Variants in DSP observed in about 807,000 individuals in gnomAD.
DSP encodes the protein desmoplakin.
Under a neutral mutation model 290.6 loss-of-function variants are expected in DSP, and 114 were observed. The ratio of observed to expected loss-of-function variants is 0.39; its 90% CI spans 0.34 to 0.46. DSP has a LOEUF of 0.46. DSP is among the 20% of genes least tolerant of loss of function. DSP has a pLI of 0.99. For synonymous variants in DSP, 1,311 were observed against 1,316.4 expected (o/e 1.00, Z 0.09); for missense variants, 3,230 against 3,495.8 (o/e 0.92, Z 1.92).
chr6:7,585,521 G>A lies in DSP; in HGVS notation c.8259G>A (p.Lys2753=), dbSNP rs1005570207. The part of the protein sequence containing the change: ...GRISTEEAIR[K]GFIDGRAAQR... ...TAAGCACCGAAGAAGCCATCCGGAA[G>A]GGGTTCATAGATGGCCGCGCCGCAC... Residue 2753 remains lysine, a synonymous_variant, in exon 24 of 24, where the codon AAG becomes AAA. Coordinates refer to ENST00000379802, the MANE Select transcript of DSP (RefSeq NM_004415.4). 6.2e-6 allele frequency: 10 copies of A among 1,614,080 alleles called. No individual in the cohort carries two copies. The African/African-American group carries it at 1.1e-4, about 17-fold the overall frequency.
chr6:7,574,545 A>T, intron 16 of DSP, 112 bp from the exon 17 acceptor site: 1 of 1,494,300 alleles, frequency 6.7e-7, no homozygotes, highest in Admixed American at 1.7e-5. Context: ...CAGACAAAAT[A>T]AATTTTTATC....
Position 7,585,441 on chromosome 6 carries a change from C to T in DSP, c.8179C>T (p.Leu2727=), listed in dbSNP as rs769802592. 8.1e-6 allele frequency: 13 copies of T among 1,614,024 alleles called. No homozygotes were observed. In the South Asian group the frequency reaches 1.3e-4, roughly 16 times the overall value. The change falls in exon 24 of 24, where the codon CTG becomes TTG. Residue 2727 remains leucine (L), a synonymous_variant. Transcript: ENST00000379802. ...WLPYEAGQRF[L]EFQYLTGGLV... Reference sequence around the variant, plus strand: ...CCCGTATGAGGCTGGCCAGCGCTTCCTGGAGTTCCAGTACCTCACGGGAGG... The same window carrying T: ...CCCGTATGAGGCTGGCCAGCGCTTCTTGGAGTTCCAGTACCTCACGGGAGG...
intron 21 of DSP, 128 bp downstream of exon 21, chr6:7,578,014 A>G: frequency 1.3e-6 from 1 of 761,514 alleles, no homozygotes. Context: ...ATTTCATCCC[A>G]TTACAGGGTA....
Position 7,567,376 on chromosome 6 carries a change from C to A in DSP, c.1067C>A (p.Thr356Lys), listed in dbSNP as rs780626687. Residue 356 changes from threonine (T) to lysine (K), a missense_variant, in exon 9 of 24, where the codon ACG becomes AAG. Transcript: ENST00000379802. Reference sequence around the variant, plus strand: ...CAGGCCTATATGGACACTCTGCAGACGCAGTGGAGTTGGATTCTTCAGATC... The same window carrying A: ...CAGGCCTATATGGACACTCTGCAGAAGCAGTGGAGTTGGATTCTTCAGATC... ...KIEAYMDTLQ[T>K]QWSWILQITK... 3.1e-6 allele frequency: 5 copies of A among 1,613,860 alleles called. No homozygotes were observed. Among genetic ancestry groups the A allele is most frequent in the Non-Finnish European group, 4.2e-6 (5 of 1,179,990 alleles).
rs781353867 is a variant in DSP at position 7,580,501 on chromosome 6, C to G, written c.4311C>G (p.Gly1437=). 10 of 1,614,076 alleles carry G rather than the reference C, an allele frequency of 6.2e-6. No homozygotes were observed. In the South Asian group the frequency reaches 1.1e-4, roughly 18 times the overall value. Residue 1437 remains glycine (G), a synonymous_variant, in exon 23 of 24, where the codon GGC becomes GGG. Transcript: ENST00000379802. The surrounding 1 kb of genome is among the most constrained non-coding windows in gnomAD (Gnocchi z 4.2). ...ACATCCAACAGCAAAAGGCCACTGG[C>G]TCTGAGGTGTCTCAGAGGAAACAGC... is the stretch of plus-strand genomic sequence containing the variant. ...EEDIQQQKAT[G]SEVSQRKQQL...
At position 7,584,612 on chromosome 6, in the gene DSP, G is replaced by C. The variant is rs1561703628; in HGVS notation, c.7350G>C (p.Lys2450Asn). 1.2e-5 allele frequency: 20 copies of C among 1,614,068 alleles called. No individual in the cohort carries two copies. The highest frequency in any genetic ancestry group is 1.7e-5 in the Non-Finnish European group (20 of 1,179,986). ...GTCTTCTGCCTCTGAAAGAAAAGAAGAAACAGGTGCAGACATCACAAAAGA... is the reference window on the plus strand; with the variant it reads ...GTCTTCTGCCTCTGAAAGAAAAGAACAAACAGGTGCAGACATCACAAAAGA... ...GLCLLPLKEKKKQVQTSQKNT... is the reference protein window; with the variant it reads ...GLCLLPLKEKNKQVQTSQKNT... Residue 2450 changes from lysine (K) to asparagine (N), a missense_variant, in exon 24 of 24, where the codon AAG becomes AAC. Lys to Asn is a moderately conservative substitution (Grantham distance 94). Transcript: ENST00000379802. This position sits in a 1 kb window ranked among gnomAD's most constrained non-coding sequence, Gnocchi z 6.4.
intron 19 of DSP, 127 bp downstream of exon 19, chr6:7,576,583 G>C (rs1759247730): frequency 1.6e-6 from 2 of 1,241,072 alleles, no homozygotes; most frequent in East Asian, 2.4e-5. Flanking sequence ...AACCCATTTT[G>C]TGAAGGCTTA....
rs200790278 is a variant in DSP, at chr6:7,571,545, C to T, written c.1864C>T (p.Leu622=). ...CGATGCCCAGAAGCATTACCAGACCCTGGTCATTCAGCTCCCTGGCTATCC... is the reference window on the plus strand; with the variant it reads ...CGATGCCCAGAAGCATTACCAGACCTTGGTCATTCAGCTCCCTGGCTATCC... ...FTDAQKHYQT[L]VIQLPGYPQH... The change falls in exon 14 of 24, where the codon CTG becomes TTG. Residue 622 remains leucine, a synonymous_variant. Coordinates refer to ENST00000379802, the MANE Select transcript of DSP (RefSeq NM_004415.4). The T allele has an allele frequency of 1.9e-5, 31 of 1,614,232 alleles. No homozygotes were observed. The East Asian group carries it at 6.9e-4, about 36-fold the overall frequency.
At chr6:7,551,256 A>C (rs544451560) in intron 1 of DSP, among the ~76,000 whole-genome samples, 30 of 152,280 alleles carry the variant, frequency 2.0e-4, no homozygotes, top group African/African-American at 6.7e-4. Context: ...TTAAAAAAAA[A>C]TCTAAAATTG....
At chr6:7,569,461 A>T (rs528010076) in intron 12 of DSP, 121 bp downstream of exon 12, 1 of 1,432,194 alleles carries the variant, frequency 7.0e-7, no homozygotes, top group Non-Finnish European at 9.7e-7. Flanking sequence ...AACACCTTCT[A>T]AAAAAAGGAA....
intron 4 of DSP, among the ~76,000 whole-genome samples, chr6:7,562,238 A>G (rs1160703115): frequency 6.6e-6 from 1 of 151,914 alleles, no homozygotes; most frequent in African/African-American, 2.4e-5. Flanking sequence ...GGAACAGTGT[A>G]TGATTGCATT....
intron 21 of DSP, among the ~76,000 whole-genome samples, chr6:7,578,122 G>A (rs1162122683): frequency 6.6e-6 from 1 of 150,898 alleles, no homozygotes; most frequent in Non-Finnish European, 1.5e-5. Flanking sequence ...GTTATTTAGA[G>A]TCTTTGTAGA....
chr6:7,578,710 G>A lies in DSP; in HGVS notation c.3084+148G>A, dbSNP rs147901314. 200 of 670,302 alleles carry A rather than the reference G, an allele frequency of 3.0e-4. 2 individuals are homozygous for A. The African/African-American group carries it at 3.3e-3, about 11-fold the overall frequency. The allele number at this position is 670,302 out of a possible 1,614,324, so 41.5% of individuals were successfully genotyped here. A position where few individuals can be genotyped will look rare whatever the true frequency, so the allele number is the denominator to read the frequency against. ...TTAGTGTAATACTGCTTGTTTGTAA[G>A]TCTGGGGTTACTTCCATGCTCCAAT... is the stretch of plus-strand genomic sequence containing the variant. On this transcript the variant is annotated intron_variant, in intron 22 of 23. Coordinates refer to ENST00000379802, the MANE Select transcript of DSP (RefSeq NM_004415.4).
Position 7,576,325 on chromosome 6 carries a change from T to C in DSP, c.2662T>C (p.Leu888=), listed in dbSNP as rs994415126. Residue 888 remains leucine, a synonymous_variant, in exon 19 of 24, where the codon TTG becomes CTG. Coordinates refer to ENST00000379802, the MANE Select transcript of DSP (RefSeq NM_004415.4). Reference sequence around the variant, plus strand: ...GGACCTGGAGAAACAAATCAAGCAATTGAGGAATTATCGTGATAACTATCA... The same window carrying C: ...GGACCTGGAGAAACAAATCAAGCAACTGAGGAATTATCGTGATAACTATCA... ...LWDLEKQIKQ[L]RNYRDNYQAF... 2 of 1,614,108 alleles carry C rather than the reference T, an allele frequency of 1.2e-6. No individual in the cohort carries two copies. The highest frequency in any genetic ancestry group is 1.7e-6 in the Non-Finnish European group (2 of 1,179,998).
chr6:7,580,998 G>A lies in DSP; in HGVS notation c.4808G>A (p.Arg1603Lys), dbSNP rs869025393. ...KLEEELEGMRRSLKEQAIKIT... is the reference protein window; with the variant it reads ...KLEEELEGMRKSLKEQAIKIT... ...GAGGAAGAGCTGGAAGGCATGAGGA[G>A]GTCGCTGAAGGAGCAAGCCATCAAA... The change falls in exon 23 of 24, where the codon AGG becomes AAG. Residue 1603 changes from arginine (R) to lysine (K), a missense_variant. Physicochemically the swap from Arg to Lys is conservative, Grantham distance 26. This residue lies in a region of DSP where 1,714 missense variants were observed against 1,844.5 expected (regional missense o/e 0.93). Transcript: ENST00000379802. The surrounding 1 kb of genome is among the most constrained non-coding windows in gnomAD (Gnocchi z 4.2). The A allele has an allele frequency of 3.1e-6, 5 of 1,613,922 alleles. No individual in the cohort carries two copies. The African/African-American group carries it at 5.3e-5, about 17-fold the overall frequency.
In DSP at chr6:7,585,497, A is replaced by T; in HGVS notation, c.8235A>T (p.Ile2745=). 1.2e-6 allele frequency: 2 copies of T among 1,614,158 alleles called. No homozygotes were observed. Among genetic ancestry groups the T allele is most frequent in the Non-Finnish European group, 1.7e-6 (2 of 1,180,036 alleles). ...TTGACCCGGAAGTGCATGGGAGGATAAGCACCGAAGAAGCCATCCGGAAGG... is the reference window on the plus strand; with the variant it reads ...TTGACCCGGAAGTGCATGGGAGGATTAGCACCGAAGAAGCCATCCGGAAGG... ...GLVDPEVHGR[I]STEEAIRKGF... is the part of the protein sequence containing the mutation. The change falls in exon 24 of 24, where the codon ATA becomes ATT. Residue 2745 remains isoleucine (I), a synonymous_variant. Transcript: ENST00000379802.
chr6:7,562,373 G>GTTT (rs35044648), intron 4 of DSP, among the ~76,000 whole-genome samples: 90 of 137,498 alleles, frequency 6.5e-4, no homozygotes, highest in Non-Finnish European at 8.8e-4. Flanking sequence ...GGTAGATTTG[G>GTTT]TTTTTTTTTT....
chr6:7,545,167 T>A lies in DSP; in HGVS notation c.170+3082T>A, dbSNP rs145546614. Reference sequence around the variant, plus strand: ...ATGTGGTTATAATATTAATGCTTATTTTTCTTCAGATCTCATGATTTCAAA... The same window carrying A: ...ATGTGGTTATAATATTAATGCTTATATTTCTTCAGATCTCATGATTTCAAA... On this transcript the variant is annotated intron_variant, in intron 1 of 23. Coordinates refer to ENST00000379802, the MANE Select transcript of DSP (RefSeq NM_004415.4). Among the ~76,000 whole-genome samples, 1,175 of 152,338 alleles carry A rather than the reference T, an allele frequency of 7.7e-3. 17 individuals carry two copies. Among genetic ancestry groups the A allele is most frequent in the African/African-American group, 0.027 (1,109 of 41,568 alleles).
chr6:7,554,032 A>G (rs564516253), intron 1 of DSP, among the ~76,000 whole-genome samples: 11 of 150,354 alleles, frequency 7.3e-5, no homozygotes, highest in African/African-American at 2.7e-4. Flanking sequence ...GCATAATGCA[A>G]CCATTGTTTG....
Sources: gnomAD v4.1 joint callset for allele counts (sites outside exome capture counted in the v4.1 genomes callset) on GRCh38, gnomAD v4.1.1 for gene constraint, gnomAD v4.1.1 regional missense constraint, Gnocchi (gnomAD v3.1) non-coding constraint, MANE v1.5 for transcripts, NCBI Gene and HGNC (gene_info 2026-07-23, HGNC 2026-07-21) for gene names.